SLC20A1: variants seen among roughly 807,000 people sequenced by gnomAD.
The protein encoded by SLC20A1 is solute carrier family 20 member 1, also known as sodium-dependent phosphate transporter 1.
SLC20A1 carries 28 observed loss-of-function variants against 62.7 expected under a neutral mutation model. The ratio of observed to expected loss-of-function variants is 0.45; its 90% CI spans 0.33 to 0.61. SLC20A1 has a LOEUF of 0.61. SLC20A1 is among the 20% of genes least tolerant of loss of function. The probability of loss-of-function intolerance (pLI) is 0.02; values close to 1 mark genes in which losing one functional copy is unlikely to be tolerated. For synonymous variants in SLC20A1, 305 were observed against 302.9 expected (o/e 1.01, Z -0.07); for missense variants, 673 against 838.6 (o/e 0.80, Z 2.44).
chr2:112,649,188 C>A (rs1462302573), intron 4 of SLC20A1, among the ~76,000 whole-genome samples: 1 of 152,202 alleles, frequency 6.6e-6, no homozygotes, highest in East Asian at 1.9e-4. Context: ...GGAATGCATA[C>A]CCCCACGGTG....
rs560336885 is a variant in SLC20A1, at chr2:112,663,199, C to T, written c.*174C>T. 3 of 798,290 alleles carry T rather than the reference C, an allele frequency of 3.8e-6. No individual in the cohort carries two copies. In the South Asian group the frequency reaches 4.2e-5, roughly 11 times the overall value. 49.5% of individuals were successfully genotyped at this position (798,290 alleles called of 1,614,324 possible). ...TGCTTTTGTGCTAAATATGAATTGT[C>T]TCAAAATTAGCTGTGTAAAATAGCC... On this transcript the variant is annotated 3_prime_UTR_variant, in exon 11 of 11. Coordinates refer to ENST00000272542, the MANE Select transcript of SLC20A1 (RefSeq NM_005415.5).
chr2:112,653,879 A>G (rs569458833), intron 5 of SLC20A1, among the ~76,000 whole-genome samples: 5 of 151,738 alleles, frequency 3.3e-5, no homozygotes, highest in South Asian at 2.1e-4. Flanking sequence ...CACAACCTCT[A>G]CCTCCCGGGT....
In SLC20A1 at chr2:112,658,196, TTGAC is replaced by T. The variant is rs140577200; in HGVS notation, c.779-625_779-622del. On this transcript the variant is annotated intron_variant, in intron 6 of 10. Coordinates refer to ENST00000272542, the MANE Select transcript of SLC20A1 (RefSeq NM_005415.5). ...TGCTTTATGTTAGTCAGTCTGTAGT[TTGAC>T]TGAGGTGCCTGGATGGATAGGTCAG... is the stretch of plus-strand genomic sequence containing the variant. 6.6e-3 allele frequency among the ~76,000 whole-genome samples: 1,001 copies of T among 152,336 alleles called. 14 individuals are homozygous for T. Among genetic ancestry groups the T allele is most frequent in the African/African-American group, 0.022 (896 of 41,580 alleles).
chr2:112,651,705 C>T (rs1468124575), intron 4 of SLC20A1, among the ~76,000 whole-genome samples: 1 of 152,180 alleles, frequency 6.6e-6, no homozygotes, highest in Non-Finnish European at 1.5e-5. Flanking sequence ...CGCGCCCAGC[C>T]TCCTCCCATT....
At chr2:112,657,966 T>A (rs1221483574) in intron 6 of SLC20A1, among the ~76,000 whole-genome samples, 1 of 152,190 alleles carries the variant, frequency 6.6e-6, no homozygotes, top group Non-Finnish European at 1.5e-5. Context: ...GAAGGCTGGG[T>A]TAGCAAGTTG....
At position 112,659,118 on chromosome 2, in the gene SLC20A1, CTT is replaced by C. The variant is rs754680095; in HGVS notation, c.1048+27_1048+28del. Reference sequence around the variant, plus strand: ...TGGTGAGTTGGAATTCCTGGTTTCACTTTTGTTACCTGCAGTGGTGAGGAGGC... The same window carrying C: ...TGGTGAGTTGGAATTCCTGGTTTCACTTGTTACCTGCAGTGGTGAGGAGGC... On this transcript the variant is annotated intron_variant, in intron 7 of 10. Coordinates refer to ENST00000272542, the MANE Select transcript of SLC20A1 (RefSeq NM_005415.5). The C allele has an allele frequency of 5.6e-6, 9 of 1,609,842 alleles. No homozygotes were observed. The African/African-American group carries it at 8.0e-5, about 14-fold the overall frequency.
At chr2:112,649,942 T>A (rs1686390757) in intron 4 of SLC20A1, among the ~76,000 whole-genome samples, 1 of 152,224 alleles carries the variant, frequency 6.6e-6, no homozygotes, top group Non-Finnish European at 1.5e-5. Context: ...GAAGTTTTAC[T>A]TGTGTGTTAG....
At chr2:112,652,567 C>A (rs938161041) in intron 4 of SLC20A1, 135 bp from the exon 5 acceptor site, 124 of 663,782 alleles carry the variant, frequency 1.9e-4, no homozygotes, top group Non-Finnish European at 2.9e-4. Flanking sequence ...GCAGGAAAAA[C>A]TCTGTTGTCC....
At chr2:112,646,252 C>T (rs1241796267) in intron 1 of SLC20A1, 123 bp downstream of exon 1, 1 of 152,070 alleles carries the variant, frequency 6.6e-6, no homozygotes, top group Admixed American at 6.5e-5. Flanking sequence ...CGCTGGCCGC[C>T]TCCACTCCGC....
At chr2:112,655,125 C>T (rs546312391) in intron 5 of SLC20A1, among the ~76,000 whole-genome samples, 8 of 151,696 alleles carry the variant, frequency 5.3e-5, no homozygotes, top group Non-Finnish European at 1.2e-4. Context: ...TGCATCACCA[C>T]GCCCAGCTAA....
intron 4 of SLC20A1, 152 bp from the exon 5 acceptor site, chr2:112,652,550 T>C: frequency 1.6e-6 from 1 of 624,022 alleles, no homozygotes; most frequent in East Asian, 2.7e-5. Flanking sequence ...GAATTCCAGA[T>C]GCAAATGCAG....
intron 4 of SLC20A1, among the ~76,000 whole-genome samples, chr2:112,651,781 A>G (rs1405149139): frequency 6.6e-6 from 1 of 152,144 alleles, no homozygotes; most frequent in Non-Finnish European, 1.5e-5. Context: ...TAGAATTCTT[A>G]TTTTTAGTCA....
chr2:112,654,113 T>C (rs1407316436), intron 5 of SLC20A1, among the ~76,000 whole-genome samples: 1 of 152,212 alleles, frequency 6.6e-6, no homozygotes, highest in African/African-American at 2.4e-5. Flanking sequence ...TTTTACCTTA[T>C]TTTAGATTGA....
chr2:112,647,270 C>T, intron 2 of SLC20A1, 54 bp from the exon 3 acceptor site: 1 of 1,593,236 alleles, frequency 6.3e-7, no homozygotes, highest in Middle Eastern at 1.7e-4. Context: ...CTGAATGTGC[C>T]ACTTACATAA....
chr2:112,648,158 A>G (rs1558689962), intron 4 of SLC20A1, among the ~76,000 whole-genome samples: 1 of 152,084 alleles, frequency 6.6e-6, no homozygotes, highest in African/African-American at 2.4e-5. Context: ...TGCCGTGCTG[A>G]TTATCATAAC....
In SLC20A1 at chr2:112,659,086, C is replaced by T. The variant is rs1471378708; in HGVS notation, c.1040C>T (p.Thr347Ile). The T allele has an allele frequency of 1.2e-6, 2 of 1,612,358 alleles. No homozygotes were observed. Among genetic ancestry groups the T allele is most frequent in the Non-Finnish European group, 1.7e-6 (2 of 1,178,934 alleles). Reference protein sequence around the residue: ...DLKEETSIDSTVNGAVQLPNG... With the variant: ...DLKEETSIDSIVNGAVQLPNG... Reference sequence around the variant, plus strand: ...AAAGAGGAAACCAGCATAGATAGCACCGTGAATGGTGAGTTGGAATTCCTG... The same window carrying T: ...AAAGAGGAAACCAGCATAGATAGCATCGTGAATGGTGAGTTGGAATTCCTG... The change falls in exon 7 of 11, where the codon ACC (threonine) becomes ATC (isoleucine). Residue 347 changes from threonine to isoleucine, a missense_variant. Thr to Ile is a moderately conservative substitution (Grantham distance 89, BLOSUM62 -1). Transcript: ENST00000272542.
In SLC20A1 at chr2:112,659,295, C is replaced by T. The variant is rs376731717; in HGVS notation, c.1140C>T (p.Thr380=). ...CCAGTGGCCACTACCAGTATCACAC[C>T]GTGCATAAGGATTCCGGCCTGTACA... ...INSSGHYQYH[T]VHKDSGLYKE... The change falls in exon 8 of 11, where the codon ACC becomes ACT. Residue 380 remains threonine, a synonymous_variant. Coordinates refer to ENST00000272542, the MANE Select transcript of SLC20A1 (RefSeq NM_005415.5). The T allele has an allele frequency of 3.9e-5, 63 of 1,614,162 alleles. No homozygotes were observed. The highest frequency in any genetic ancestry group is 2.7e-4 in the South Asian group (25 of 91,068).
At chr2:112,650,999 CAG>C (rs922108564) in intron 4 of SLC20A1, among the ~76,000 whole-genome samples, 4 of 152,196 alleles carry the variant, frequency 2.6e-5, no homozygotes, top group African/African-American at 7.2e-5. Context: ...TGACTGCCCT[CAG>C]AGTTTGACCA....
At chr2:112,651,498 G>T (rs1686434394) in intron 4 of SLC20A1, among the ~76,000 whole-genome samples, 2 of 152,004 alleles carry the variant, frequency 1.3e-5, no homozygotes, top group Non-Finnish European at 2.9e-5. Flanking sequence ...CTGTCTCCCA[G>T]GTTCAAGTGA....
Sources: allele counts gnomAD v4.1 joint callset (sites outside exome capture counted in the v4.1 genomes callset), GRCh38; gene constraint gnomAD v4.1.1; transcripts MANE v1.5; gene names NCBI Gene and HGNC (gene_info 2026-07-23, HGNC 2026-07-21).